The following COL24A1 variants were observed in gnomAD, a reference collection of about 807,000 sequenced individuals.
The protein encoded by COL24A1 is collagen alpha-1(XXIV) chain.
In COL24A1, 224 loss-of-function variants were observed where a neutral mutation model predicts 253.9. The observed-to-expected ratio is 0.88, with a 90% CI of 0.79 to 0.99. The LOEUF is 0.99. Among genes scored for constraint, COL24A1 ranks in the 50% least tolerant of loss-of-function variants. The probability of loss-of-function intolerance (pLI) is 0.00; values close to 1 mark genes in which losing one functional copy is unlikely to be tolerated. For synonymous variants in COL24A1, 685 were observed against 673.7 expected (o/e 1.02, Z -0.26); for missense variants, 2,131 against 2,068.5 (o/e 1.03, Z -0.59).
chr1:85,891,187 AC>A, intron 31 of COL24A1, among the ~76,000 whole-genome samples: 1 of 149,624 alleles, frequency 6.7e-6, no homozygotes, highest in African/African-American at 2.5e-5. Flanking sequence ...AGTAGCTGGG[AC>A]TACAGGCGCC....
intron 47 of COL24A1, among the ~76,000 whole-genome samples, chr1:85,816,116 G>T (rs1418486761): frequency 3.3e-5 from 5 of 152,082 alleles, no homozygotes; most frequent in African/African-American, 1.2e-4. Context: ...CCTGCCAAAA[G>T]TAGAGGCCAA....
At chr1:85,971,666 C>G (rs1376823054) in intron 20 of COL24A1, among the ~76,000 whole-genome samples, 1 of 152,138 alleles carries the variant, frequency 6.6e-6, no homozygotes, top group African/African-American at 2.4e-5. Context: ...AAAAGTATTT[C>G]TAAAACGGAA....
intron 2 of COL24A1, among the ~76,000 whole-genome samples, chr1:86,128,725 G>A (rs1648702136): frequency 1.3e-5 from 2 of 151,860 alleles, no homozygotes; most frequent in Non-Finnish European, 2.9e-5. Flanking sequence ...GTGGAGCTTT[G>A]ATGACAAATA....
At chr1:86,131,484 G>T (rs1401765919) in intron 2 of COL24A1, among the ~76,000 whole-genome samples, 2 of 151,558 alleles carry the variant, frequency 1.3e-5, no homozygotes, top group Non-Finnish European at 2.9e-5. Context: ...TTAACATTAG[G>T]TATGTCTCCT....
chr1:85,826,892 C>T (rs1035220589), intron 43 of COL24A1, among the ~76,000 whole-genome samples: 1 of 152,190 alleles, frequency 6.6e-6, no homozygotes, highest in Non-Finnish European at 1.5e-5. Flanking sequence ...TTGACTTCCT[C>T]TTTTCCTAAC....
At chr1:85,839,338 T>C (rs1676361644) in intron 42 of COL24A1, among the ~76,000 whole-genome samples, 1 of 152,200 alleles carries the variant, frequency 6.6e-6, no homozygotes, top group Non-Finnish European at 1.5e-5. Flanking sequence ...GACAGTTCAG[T>C]ACATAATTCC....
At position 86,031,904 on chromosome 1, in the gene COL24A1, C is replaced by G. The variant is rs752106961; in HGVS notation, c.2023G>C (p.Gly675Arg). Residue 675 changes from glycine to arginine, a missense_variant, in exon 14 of 60, where the codon GGT (glycine) becomes CGT (arginine). Coordinates refer to ENST00000370571, the MANE Select transcript of COL24A1 (RefSeq NM_152890.7). ...DGSPGLVGGT[G>R]PPGFPGLRGS... ...CTAAGCCCAGGAAACCCCGGAGGAC[C>G]AGTGCCACCTACAAGTCCCTATTGT... The G allele has an allele frequency of 8.1e-6, 13 of 1,608,858 alleles. No individual in the cohort carries two copies. Among genetic ancestry groups the G allele is most frequent in the Non-Finnish European group, 1.1e-5 (13 of 1,177,528 alleles).
chr1:85,951,537 G>A (rs1478660930), intron 24 of COL24A1, among the ~76,000 whole-genome samples: 1 of 152,132 alleles, frequency 6.6e-6, no homozygotes, highest in African/African-American at 2.4e-5. Context: ...TAGGGAGTAA[G>A]TTGGAAAGTG....
chr1:86,016,036 ACATTTTT>A (rs1696959944), intron 19 of COL24A1, among the ~76,000 whole-genome samples: 1 of 144,318 alleles, frequency 6.9e-6, no homozygotes, highest in African/African-American at 2.6e-5. Context: ...AACTTTTAAA[ACATTTTT>A]TCTTTTTTTT....
intron 47 of COL24A1, among the ~76,000 whole-genome samples, chr1:85,793,427 G>C (rs1670499514): frequency 6.6e-6 from 1 of 151,954 alleles, no homozygotes; most frequent in Admixed American, 6.6e-5. Context: ...GAGGAAGAGA[G>C]AGGAAAAGAA....
At chr1:85,847,273 A>T (rs1436314439) in intron 39 of COL24A1, among the ~76,000 whole-genome samples, 1 of 152,188 alleles carries the variant, frequency 6.6e-6, no homozygotes, top group Non-Finnish European at 1.5e-5. Flanking sequence ...CAACCAGAGA[A>T]AGAAAATCCA....
chr1:85,955,938 T>C (rs1690418067), intron 24 of COL24A1, among the ~76,000 whole-genome samples: 1 of 152,252 alleles, frequency 6.6e-6, no homozygotes, highest in South Asian at 2.1e-4. Flanking sequence ...AATTGCCAGC[T>C]TGGCTTAAGA....
chr1:86,142,648 G>T (rs1276412930), intron 2 of COL24A1, among the ~76,000 whole-genome samples: 3 of 151,436 alleles, frequency 2.0e-5, no homozygotes, highest in African/African-American at 4.8e-5. Flanking sequence ...ATAAAACAAA[G>T]ACGGAAAATA....
rs553952020 is a variant in COL24A1, at chr1:85,781,007, TCAACTC to T, written c.4338+207_4338+212del. Among the ~76,000 whole-genome samples, 46 of 152,258 alleles carry T rather than the reference TCAACTC, an allele frequency of 3.0e-4. No homozygotes were observed. In the East Asian group the frequency reaches 8.5e-3, roughly 28 times the overall value. On this transcript the variant is annotated intron_variant, in intron 52 of 59. Transcript: ENST00000370571. ...CCTGACTCAGTTCTATTTTCTTTTC[TCAACTC>T]CAATTATAAACACTTACCTACTTAG... is the stretch of plus-strand genomic sequence containing the variant.
intron 38 of COL24A1, 21 bp downstream of exon 38, chr1:85,849,332 T>C: frequency 1.9e-6 from 3 of 1,608,412 alleles, no homozygotes; most frequent in Non-Finnish European, 2.6e-6. Context: ...AAAACCTGCA[T>C]AAGAAGATGT....
At chr1:85,904,815 T>G (rs1222562521) in intron 28 of COL24A1, among the ~76,000 whole-genome samples, 1 of 152,160 alleles carries the variant, frequency 6.6e-6, no homozygotes, top group Non-Finnish European at 1.5e-5. Context: ...GCATGGTACT[T>G]CAAAAGCCAT....
At chr1:85,835,957 T>C (rs11161687) in intron 43 of COL24A1, among the ~76,000 whole-genome samples, 54,350 of 152,040 alleles carry the variant, frequency 0.36, 10,520 homozygotes, top group Non-Finnish European at 0.43. Flanking sequence ...ATGCAGGTCA[T>C]AAGACACATG....
intron 43 of COL24A1, among the ~76,000 whole-genome samples, chr1:85,829,062 C>T (rs12097253): frequency 0.31 from 45,972 of 147,782 alleles, 2,903 homozygotes; most frequent in Non-Finnish European, 0.35. Flanking sequence ...TGGCTGGTAC[C>T]GGTTGTTCCT....
At chr1:86,121,102 G>C (rs956616583) in intron 3 of COL24A1, among the ~76,000 whole-genome samples, 19 of 152,208 alleles carry the variant, frequency 1.2e-4, no homozygotes, top group African/African-American at 2.6e-4. Context: ...GAGAACACTT[G>C]GACACAGGGT....
Sources: gnomAD v4.1 joint callset for allele counts (sites outside exome capture counted in the v4.1 genomes callset) on GRCh38, gnomAD v4.1.1 for gene constraint, MANE v1.5 for transcripts, NCBI Gene and HGNC (gene_info 2026-07-23, HGNC 2026-07-21) for gene names.